The following TBL1XR1 variants were observed in gnomAD, a reference collection of about 807,000 sequenced individuals.
The protein encoded by TBL1XR1 is TBL1X/Y related 1, also known as F-box-like/WD repeat-containing protein TBL1XR1.
A neutral mutation model predicts 66.9 loss-of-function variants in TBL1XR1; 5 were observed. The ratio of observed to expected loss-of-function variants is 0.07; its 90% CI spans 0.04 to 0.16. The LOEUF (loss-of-function observed/expected upper bound fraction) is 0.16. Ranked by LOEUF, TBL1XR1 falls within the 10% of genes least tolerant of loss-of-function variation. The pLI, the probability that TBL1XR1 is intolerant of heterozygous loss-of-function variation, is 1.00. For synonymous variants in TBL1XR1, 210 were observed against 206.0 expected (o/e 1.02, Z -0.17); for missense variants, 238 against 623.2 (o/e 0.38, Z 6.58).
At position 177,127,069 on chromosome 3, in the gene TBL1XR1, T is replaced by C. The variant is rs141466525; in HGVS notation, c.-121-28528A>G. 3.7e-3 allele frequency among the ~76,000 whole-genome samples: 570 copies of C among 152,292 alleles called. 3 individuals carry two copies. Among genetic ancestry groups the C allele is most frequent in the Middle Eastern group, 0.01 (3 of 294 alleles). On this transcript the variant is annotated intron_variant, in intron 1 of 15. Transcript: ENST00000457928. ...ACAAAAGTTTGATTGTTTTAAAGAG[T>C]AATCTGCCACAGATTATAATCAATG...
intron 1 of TBL1XR1, among the ~76,000 whole-genome samples, chr3:177,123,676 T>C (rs1727258932): frequency 1.3e-5 from 2 of 152,108 alleles, no homozygotes; most frequent in African/African-American, 4.8e-5. Context: ...ACTGAATTCA[T>C]TCATTTGCCT....
chr3:177,151,048 G>C (rs1273020429), intron 1 of TBL1XR1, among the ~76,000 whole-genome samples: 3 of 152,154 alleles, frequency 2.0e-5, no homozygotes, highest in African/African-American at 4.8e-5. Context: ...AAAACACATA[G>C]AATCACAGAA....
intron 1 of TBL1XR1, among the ~76,000 whole-genome samples, chr3:177,107,896 ATTTT>A (rs1269174730): frequency 6.6e-6 from 1 of 152,148 alleles, no homozygotes; most frequent in Admixed American, 6.6e-5. Flanking sequence ...GTTAGCAGAT[ATTTT>A]TTTATTTTGC....
chr3:177,189,768 G>A (rs1735902182), intron 1 of TBL1XR1, among the ~76,000 whole-genome samples: 1 of 152,038 alleles, frequency 6.6e-6, no homozygotes, highest in African/African-American at 2.4e-5. Flanking sequence ...AAGGGAGATG[G>A]TTAAGAGACA....
At chr3:177,153,356 A>G (rs1731120111) in intron 1 of TBL1XR1, among the ~76,000 whole-genome samples, 1 of 152,214 alleles carries the variant, frequency 6.6e-6, no homozygotes, top group Non-Finnish European at 1.5e-5. Flanking sequence ...GATCTTCCCA[A>G]AGGCATGTGG....
At chr3:177,065,959 T>C (rs796505223) in intron 2 of TBL1XR1, among the ~76,000 whole-genome samples, 16 of 152,264 alleles carry the variant, frequency 1.1e-4, no homozygotes, top group African/African-American at 3.6e-4. Context: ...TAAGCACTTA[T>C]AAAAATGTAA....
Position 177,112,093 on chromosome 3 carries a change from ATATATATATATATAT to A in TBL1XR1, c.-121-13567_-121-13553del, listed in dbSNP as rs1199257023. On this transcript the variant is annotated intron_variant, in intron 1 of 15. Transcript: ENST00000457928. ...AAATCAAATATATATATATATATATATATATATATATATATTTTTTTTTTTTTTTTTTGTGAGGGG... is the reference window on the plus strand; with the variant it reads ...AAATCAAATATATATATATATATATATTTTTTTTTTTTTTTTTGTGAGGGG... Among the ~76,000 whole-genome samples the A allele has an allele frequency of 3.0e-4, 15 of 49,648 alleles. 1 individual carries two copies. The highest frequency in any genetic ancestry group is 1.6e-3 in the African/African-American group (15 of 9,564). 32.6% of individuals were successfully genotyped at this position (49,648 alleles called of 152,430 possible). A position where few individuals can be genotyped will look rare whatever the true frequency, so the allele number is the denominator to read the frequency against.
intron 2 of TBL1XR1, among the ~76,000 whole-genome samples, chr3:177,093,746 G>T (rs769158597): frequency 7.9e-5 from 12 of 152,174 alleles, no homozygotes; most frequent in Admixed American, 3.9e-4. Flanking sequence ...TCAACAAATG[G>T]TGCTGGGAGA....
At chr3:177,124,989 C>A (rs1727434367) in intron 1 of TBL1XR1, among the ~76,000 whole-genome samples, 1 of 151,716 alleles carries the variant, frequency 6.6e-6, no homozygotes, top group African/African-American at 2.4e-5. Flanking sequence ...ACATACAGGT[C>A]AATCTTTATG....
Position 177,150,928 on chromosome 3 carries a change from T to C in TBL1XR1, c.-122+46193A>G, listed in dbSNP as rs150040008. On this transcript the variant is annotated intron_variant, in intron 1 of 15. Coordinates refer to ENST00000457928, the MANE Select transcript of TBL1XR1 (RefSeq NM_024665.7). Reference sequence around the variant, plus strand: ...GAGAATCTGAGATCGGACCTCACTGTATTGGAAGGTGAGTTGTTCAAAACT... The same window carrying C: ...GAGAATCTGAGATCGGACCTCACTGCATTGGAAGGTGAGTTGTTCAAAACT... Among the ~76,000 whole-genome samples, 21 of 152,312 alleles carry C rather than the reference T, an allele frequency of 1.4e-4. No individual in the cohort carries two copies. In the East Asian group the frequency reaches 4.1e-3, roughly 29 times the overall value.
chr3:177,187,094 G>A (rs1372637437), intron 1 of TBL1XR1, among the ~76,000 whole-genome samples: 1 of 151,344 alleles, frequency 6.6e-6, no homozygotes, highest in Non-Finnish European at 1.5e-5. Context: ...ATGAACCCGG[G>A]AGGCGGAGTG....
chr3:177,129,700 T>TA (rs921709067), intron 1 of TBL1XR1, among the ~76,000 whole-genome samples: 9 of 151,638 alleles, frequency 5.9e-5, no homozygotes, highest in South Asian at 2.1e-4. Flanking sequence ...AAGCATATCT[T>TA]AAAAAAAAAG....
chr3:177,179,784 G>A (rs1035668368), intron 1 of TBL1XR1, among the ~76,000 whole-genome samples: 26 of 152,226 alleles, frequency 1.7e-4, no homozygotes, highest in African/African-American at 6.3e-4. Flanking sequence ...GAACAAAGGA[G>A]CCAACCAACC....
chr3:177,179,324 A>AAT (rs2108961157), intron 1 of TBL1XR1, among the ~76,000 whole-genome samples: 1 of 152,252 alleles, frequency 6.6e-6, no homozygotes, highest in Non-Finnish European at 1.5e-5. Flanking sequence ...GCAAAACATG[A>AAT]ATATGCTGGG....
At chr3:177,146,511 A>G (rs1389638779) in intron 1 of TBL1XR1, among the ~76,000 whole-genome samples, 1 of 141,186 alleles carries the variant, frequency 7.1e-6, no homozygotes, top group African/African-American at 2.6e-5. Flanking sequence ...CTGGTCTCGA[A>G]CCCAGGAGGC....
chr3:177,038,588 A>G, intron 10 of TBL1XR1, 154 bp from the exon 11 acceptor site: 1 of 711,466 alleles, frequency 1.4e-6, no homozygotes. Flanking sequence ...AAATTAAAAT[A>G]AAAGTATCTA....
intron 2 of TBL1XR1, among the ~76,000 whole-genome samples, chr3:177,093,530 A>G (rs976427704): frequency 6.6e-5 from 10 of 152,190 alleles, no homozygotes; most frequent in African/African-American, 2.4e-4. Flanking sequence ...GACTAAGCCA[A>G]AAGAACCAAT....
At chr3:177,108,768 T>C (rs927992398) in intron 1 of TBL1XR1, among the ~76,000 whole-genome samples, 2 of 152,304 alleles carry the variant, frequency 1.3e-5, no homozygotes, top group East Asian at 1.9e-4. Flanking sequence ...TTTTTATTAA[T>C]GCAAACAACA....
intron 10 of TBL1XR1, among the ~76,000 whole-genome samples, chr3:177,041,576 T>C (rs1431738128): frequency 6.6e-6 from 1 of 152,186 alleles, no homozygotes; most frequent in East Asian, 1.9e-4. Flanking sequence ...TAAACAAAAA[T>C]ATGTGCCAAC....
Sources: gnomAD v4.1 joint callset for allele counts (sites outside exome capture counted in the v4.1 genomes callset) on GRCh38, gnomAD v4.1.1 for gene constraint, MANE v1.5 for transcripts, NCBI Gene and HGNC (gene_info 2026-07-23, HGNC 2026-07-21) for gene names.